Variants in NCAM1 observed in about 807,000 individuals in gnomAD.
The protein encoded by NCAM1 is neural cell adhesion molecule 1.
Under a neutral mutation model 109.8 loss-of-function variants are expected in NCAM1, and 14 were observed. The ratio of observed to expected loss-of-function variants is 0.13; its 90% CI spans 0.08 to 0.20. NCAM1 has a LOEUF of 0.20. Ranked by LOEUF, NCAM1 falls within the 10% of genes least tolerant of loss-of-function variation. The pLI is 1.00. For synonymous variants in NCAM1, 418 were observed against 442.9 expected, an observed-to-expected ratio of 0.94 and a Z score of 0.70; for missense variants, 774 against 1,109.9, an observed-to-expected ratio of 0.70 and a Z score of 4.30.
chr11:113,153,136 G>A (rs144422252), intron 1 of NCAM1, among the ~76,000 whole-genome samples: 4 of 151,660 alleles, frequency 2.6e-5, no homozygotes, highest in Admixed American at 1.3e-4. Flanking sequence ...TCCGCCTCCC[G>A]GGTTCAAGTG....
At chr11:113,210,669 AAG>A (rs1944360456) in intron 7 of NCAM1, among the ~76,000 whole-genome samples, 1 of 151,768 alleles carries the variant, frequency 6.6e-6, no homozygotes, top group Non-Finnish European at 1.5e-5. Flanking sequence ...TGGTAGAGGG[AAG>A]AGAGTGGGTC....
At chr11:113,000,856 A>AAAAAAT (rs1389480369) in intron 1 of NCAM1, among the ~76,000 whole-genome samples, 6 of 44,620 alleles carry the variant, frequency 1.3e-4, no homozygotes, top group Admixed American at 5.4e-4. Context: ...ATACACAAAA[A>AAAAAAT]ATATATATAT....
intron 16 of NCAM1, among the ~76,000 whole-genome samples, chr11:113,257,837 T>G (rs1436500484): frequency 3.3e-5 from 5 of 152,272 alleles, no homozygotes; most frequent in Non-Finnish European, 5.9e-5. Context: ...CGGAATTGCT[T>G]TCTTTTAAAT....
intron 1 of NCAM1, among the ~76,000 whole-genome samples, chr11:113,090,696 T>G (rs1257764181): frequency 6.6e-6 from 1 of 152,198 alleles, no homozygotes; most frequent in Non-Finnish European, 1.5e-5. Context: ...GACTTAAAAT[T>G]GCTTTGAATT....
At chr11:113,091,029 C>T (rs1329905268) in intron 1 of NCAM1, among the ~76,000 whole-genome samples, 1 of 152,132 alleles carries the variant, frequency 6.6e-6, no homozygotes, top group Non-Finnish European at 1.5e-5. Flanking sequence ...AAGTATAGAA[C>T]AGAATAATAG....
In NCAM1 at chr11:113,273,728, G is replaced by A. The variant is rs986589886; in HGVS notation, c.2457-1539G>A. On this transcript the variant is annotated intron_variant, in intron 19 of 19. Transcript: ENST00000316851. The surrounding 1 kb of genome is among the most constrained non-coding windows in gnomAD (Gnocchi z 6.0). ...CTTCCACTGCAGACAGCTCTGTTTC[G>A]CCTGCGCCAGCAAAGACCGAGTACG... The A allele has an allele frequency of 6.9e-5, 31 of 446,776 alleles. No homozygotes were observed. Among genetic ancestry groups the A allele is most frequent in the Middle Eastern group, 3.3e-4 (1 of 3,040 alleles). 27.7% of individuals were successfully genotyped at this position (446,776 alleles called of 1,614,324 possible).
At chr11:112,974,741 A>G (rs2134587441) in intron 1 of NCAM1, among the ~76,000 whole-genome samples, 1 of 151,872 alleles carries the variant, frequency 6.6e-6, no homozygotes, top group East Asian at 2.0e-4. Context: ...ATAAAAATTG[A>G]GCCTTCTGCT....
chr11:113,135,478 T>A (rs1941564351), intron 1 of NCAM1, among the ~76,000 whole-genome samples: 1 of 151,896 alleles, frequency 6.6e-6, no homozygotes, highest in East Asian at 1.9e-4. Context: ...AAGATAAAGA[T>A]GCGCCCACTG....
At chr11:113,054,413 C>T (rs1953616904) in intron 1 of NCAM1, among the ~76,000 whole-genome samples, 1 of 152,150 alleles carries the variant, frequency 6.6e-6, no homozygotes, top group Admixed American at 6.5e-5. Flanking sequence ...GAGGCATTAG[C>T]CACCCTCTTT....
intron 19 of NCAM1, 35 bp from the exon 20 acceptor site, chr11:113,275,232 G>A: frequency 6.2e-7 from 1 of 1,612,236 alleles, no homozygotes; most frequent in Non-Finnish European, 8.5e-7. Context: ...TGCAGACCGT[G>A]GTCTCAGTGG....
chr11:113,224,566 G>A (rs1301846290), intron 9 of NCAM1, among the ~76,000 whole-genome samples: 1 of 152,232 alleles, frequency 6.6e-6, no homozygotes, highest in Non-Finnish European at 1.5e-5. Context: ...GTCCCTGTCT[G>A]ACAGATTGGA....
chr11:113,255,597 GAAAAA>G (rs34738476), intron 15 of NCAM1, among the ~76,000 whole-genome samples: 1 of 92,942 alleles, frequency 1.1e-5, no homozygotes, highest in Admixed American at 1.3e-4. Context: ...TGAGACAGGG[GAAAAA>G]AAAAAAAAAA....
At chr11:112,992,356 A>G (rs1195317774) in intron 1 of NCAM1, among the ~76,000 whole-genome samples, 2 of 152,196 alleles carry the variant, frequency 1.3e-5, no homozygotes, top group African/African-American at 2.4e-5. Flanking sequence ...GCATATTGCT[A>G]AATAATATAT....
chr11:112,990,259 G>T (rs2155283), intron 1 of NCAM1, among the ~76,000 whole-genome samples: 3 of 152,048 alleles, frequency 2.0e-5, no homozygotes, highest in Non-Finnish European at 4.4e-5. Context: ...CTTCCCACTG[G>T]GTCACTGGTT....
chr11:113,101,915 A>AT (rs1939894030), intron 1 of NCAM1, among the ~76,000 whole-genome samples: 2 of 152,160 alleles, frequency 1.3e-5, no homozygotes, highest in South Asian at 4.1e-4. Flanking sequence ...CAAACATGGT[A>AT]TTTCTTCTTT....
rs373077467 is a variant in NCAM1 at position 113,149,303 on chromosome 11, A to G, written c.53-53076A>G. Among the ~76,000 whole-genome samples the G allele has an allele frequency of 1.9e-4, 29 of 152,300 alleles. No individual in the cohort carries two copies. The East Asian group carries it at 4.4e-3, about 23-fold the overall frequency. On this transcript the variant is annotated intron_variant, in intron 1 of 19. Coordinates refer to ENST00000316851, the MANE Select transcript of NCAM1 (RefSeq NM_181351.5). ...TGACATCCTGCTGATGAGAACAATG[A>G]CAAGAGCAAACATATGTTGAGGGAT...
intron 9 of NCAM1, chr11:113,221,662 C>T (rs1944696985): frequency 3.7e-6 from 1 of 268,164 alleles, no homozygotes; most frequent in Non-Finnish European, 7.2e-6. Flanking sequence ...TTTTGACTCA[C>T]ATGGTTGATG....
intron 1 of NCAM1, among the ~76,000 whole-genome samples, chr11:113,191,712 T>C (rs58885579): frequency 0.029 from 4,335 of 152,036 alleles, 200 homozygotes; most frequent in African/African-American, 0.099. Flanking sequence ...GATAGATAGA[T>C]ACACATGTAC....
chr11:113,263,670 A>G lies in NCAM1; in HGVS notation c.2131+3347A>G, dbSNP rs1406645023. The G allele has an allele frequency of 1.1e-5, 11 of 985,438 alleles. No homozygotes were observed. In the South Asian group the frequency reaches 2.8e-4, roughly 25 times the overall value. 61.0% of individuals were successfully genotyped at this position (985,438 alleles called of 1,614,324 possible). On this transcript the variant is annotated intron_variant, in intron 17 of 19. Coordinates refer to ENST00000316851, the MANE Select transcript of NCAM1 (RefSeq NM_181351.5). ...AGCTTTGAAAGGTGTTTGTCTCCCA[A>G]TCGGGGTGACTCCCCTGCTGCCTGG... is the stretch of plus-strand genomic sequence containing the variant.
Sources: gnomAD v4.1 joint callset for allele counts (sites outside exome capture counted in the v4.1 genomes callset) on GRCh38, gnomAD v4.1.1 for gene constraint, Gnocchi (gnomAD v3.1) non-coding constraint, MANE v1.5 for transcripts, NCBI Gene and HGNC (gene_info 2026-07-23, HGNC 2026-07-21) for gene names.